PCDHA9: variants seen among roughly 807,000 people sequenced by gnomAD.
PCDHA9 encodes the protein protocadherin alpha-9.
In PCDHA9, 62 loss-of-function variants were observed where a neutral mutation model predicts 62.0. The observed-to-expected ratio is 1.00, with a 90% CI of 0.81 to 1.23. PCDHA9 has a LOEUF of 1.23. PCDHA9 is among the 50% of genes most tolerant of loss of function. The pLI, the probability that PCDHA9 is intolerant of heterozygous loss-of-function variation, is 0.00. For synonymous variants in PCDHA9, 557 were observed against 567.6 expected (o/e 0.98, Z 0.27); for missense variants, 1,205 against 1,249.8 (o/e 0.96, Z 0.54).
At chr5:140,993,470 A>T (rs1348899420) in intron 3 of PCDHA9, among the ~76,000 whole-genome samples, 10 of 115,268 alleles carry the variant, frequency 8.7e-5, no homozygotes, top group East Asian at 7.9e-4. Flanking sequence ...TCTCACACAC[A>T]CACACACACA....
intron 1 of PCDHA9, among the ~76,000 whole-genome samples, chr5:140,908,828 A>C (rs1490004627): frequency 6.6e-6 from 1 of 152,176 alleles, no homozygotes; most frequent in Non-Finnish European, 1.5e-5. Context: ...GTTACTCGAT[A>C]AATGGGCTGG....
At chr5:140,978,818 C>T in intron 1 of PCDHA9, 131 bp from the exon 2 acceptor site, 4 of 1,512,636 alleles carry the variant, frequency 2.6e-6, no homozygotes, top group Non-Finnish European at 3.5e-6. Flanking sequence ...TAGAGTTACA[C>T]ATGAAATGGC....
chr5:140,926,215 C>T (rs2083014396), intron 1 of PCDHA9, among the ~76,000 whole-genome samples: 1 of 152,170 alleles, frequency 6.6e-6, no homozygotes, highest in Non-Finnish European at 1.5e-5. Flanking sequence ...CTCCTGTTTC[C>T]TTAAGCCTAG....
chr5:140,870,845 C>T lies in PCDHA9; in HGVS notation c.2394+19956C>T, dbSNP rs782454963. ...GGAGGCGCAGTTAACAAGCTAGTAC[C>T]GCGGTCGGTGGGTGCGGGCCACGTG... On this transcript the variant is annotated intron_variant, in intron 1 of 3. Transcript: ENST00000532602. The T allele has an allele frequency of 5.0e-6, 8 of 1,613,718 alleles. No individual in the cohort carries two copies. The highest frequency in any genetic ancestry group is 6.8e-6 in the Non-Finnish European group (8 of 1,179,896).
At chr5:140,902,530 G>C (rs569387885) in intron 1 of PCDHA9, among the ~76,000 whole-genome samples, 1 of 152,026 alleles carries the variant, frequency 6.6e-6, no homozygotes, top group African/African-American at 2.4e-5. Flanking sequence ...TTATTATGTT[G>C]AGGTATGTTC....
chr5:140,969,600 C>CTAAAACACA, intron 1 of PCDHA9: 1 of 778,552 alleles, frequency 1.3e-6, no homozygotes, highest in South Asian at 2.1e-5. Flanking sequence ...ATATTTAATG[C>CTAAAACACA]TAAAACACAG....
rs2098420479 is a variant in PCDHA9, at chr5:141,011,408, T to TAC, written c.*1472_*1473insCA. 6.5e-6 allele frequency: 1 copy of TAC among 153,814 alleles called. No individual in the cohort carries two copies. The highest frequency in any genetic ancestry group is 2.4e-5 in the African/African-American group (1 of 41,476). 9.5% of individuals were successfully genotyped at this position (153,814 alleles called of 1,614,324 possible). ...GAAATATACTTACTCTGTGCTTGTG[T>TAC]ATGTGAATGTTAATGCAACTATTAC... On this transcript the variant is annotated 3_prime_UTR_variant, in exon 4 of 4. Coordinates refer to ENST00000532602, the MANE Select transcript of PCDHA9 (RefSeq NM_031857.2).
Position 140,850,162 on chromosome 5 carries a change from T to A in PCDHA9, c.1667T>A (p.Leu556Gln). The change falls in exon 1 of 4, where the codon CTG becomes CAG. Residue 556 changes from leucine (L) to glutamine (Q), a missense_variant. Leu to Gln is a moderately radical substitution (Grantham distance 113). Around this residue, in one of 3 missense-constraint regions of PCDHA9, gnomAD observed 887 missense variants for 809.5 expected, o/e 1.10. Transcript: ENST00000532602. ...AACGTGACGCTGCAGGTGTTCGTGCTGGACGAGAACGACAATGCGCCGGCG... is the reference window on the plus strand; with the variant it reads ...AACGTGACGCTGCAGGTGTTCGTGCAGGACGAGAACGACAATGCGCCGGCG... Reference protein sequence around the residue: ...GSNVTLQVFVLDENDNAPALL... With the variant: ...GSNVTLQVFVQDENDNAPALL... 8.8e-6 allele frequency: 14 copies of A among 1,595,026 alleles called. 2 individuals carry two copies. The highest frequency in any genetic ancestry group is 1.2e-5 in the Non-Finnish European group (14 of 1,167,802).
intron 3 of PCDHA9, among the ~76,000 whole-genome samples, chr5:141,002,135 G>C (rs1265359430): frequency 2.6e-5 from 4 of 152,236 alleles, no homozygotes; most frequent in Admixed American, 2.6e-4. Flanking sequence ...AGCCTTTGCC[G>C]GCTGCACTGA....
intron 1 of PCDHA9, among the ~76,000 whole-genome samples, chr5:140,873,716 A>G (rs1476838319): frequency 6.6e-6 from 1 of 152,184 alleles, no homozygotes; most frequent in Non-Finnish European, 1.5e-5. Context: ...GCTGGTGTGC[A>G]GTGGCGCAAT....
At chr5:140,875,835 G>A in intron 1 of PCDHA9, 1 of 1,614,196 alleles carries the variant, frequency 6.2e-7, no homozygotes, top group East Asian at 2.2e-5. Context: ...ATGTGGACGT[G>A]GAGGTGAAGG....
Position 140,928,898 on chromosome 5 carries a change from A to T in PCDHA9, c.2395-50051A>T, listed in dbSNP as rs782530169. ...CCTCAGTTACTTCCAGACTTTGAAGATGTCTGGGAACCAGGAGGGCAGCTT... is the reference window on the plus strand; with the variant it reads ...CCTCAGTTACTTCCAGACTTTGAAGTTGTCTGGGAACCAGGAGGGCAGCTT... On this transcript the variant is annotated intron_variant, in intron 1 of 3. Coordinates refer to ENST00000532602, the MANE Select transcript of PCDHA9 (RefSeq NM_031857.2). 77 of 1,614,004 alleles carry T rather than the reference A, an allele frequency of 4.8e-5. No individual in the cohort carries two copies. The African/African-American group carries it at 7.2e-4, about 15-fold the overall frequency.
At position 140,912,557 on chromosome 5, in the gene PCDHA9, A is replaced by T. The variant is rs1220242152; in HGVS notation, c.2394+61668A>T. On this transcript the variant is annotated intron_variant, in intron 1 of 3. Transcript: ENST00000532602. ...GATCATATTGTCAGCAAACAGCAAC[A>T]GTTTTAACTTCCTCTTTTCCAATTT... Among the ~76,000 whole-genome samples the T allele has an allele frequency of 4.6e-5, 7 of 152,154 alleles. No individual in the cohort carries two copies. The South Asian group carries it at 1.5e-3, about 32-fold the overall frequency.
chr5:140,910,944 C>A (rs1177154353), intron 1 of PCDHA9, among the ~76,000 whole-genome samples: 1 of 152,146 alleles, frequency 6.6e-6, no homozygotes, highest in Non-Finnish European at 1.5e-5. Flanking sequence ...TCAAGCAGTT[C>A]TTTTCGAGTG....
intron 1 of PCDHA9, chr5:140,968,479 C>T (rs2096250195): frequency 1.2e-6 from 2 of 1,614,010 alleles, no homozygotes; most frequent in South Asian, 2.2e-5. Flanking sequence ...ATGTGGTGGA[C>T]ATGAATGACC....
At chr5:140,910,924 A>T (rs568597600) in intron 1 of PCDHA9, among the ~76,000 whole-genome samples, 1 of 152,142 alleles carries the variant, frequency 6.6e-6, no homozygotes, top group Admixed American at 6.5e-5. Flanking sequence ...GCTTATATAA[A>T]TAAGAAAGCT....
intron 3 of PCDHA9, among the ~76,000 whole-genome samples, chr5:141,002,328 C>T (rs1421788305): frequency 3.3e-5 from 5 of 152,250 alleles, no homozygotes; most frequent in Admixed American, 6.5e-5. Flanking sequence ...GGCCGGGCTG[C>T]ATCCGCACCC....
At chr5:140,996,495 G>A (rs2097728470) in intron 3 of PCDHA9, among the ~76,000 whole-genome samples, 2 of 152,156 alleles carry the variant, frequency 1.3e-5, no homozygotes, top group South Asian at 4.1e-4. Context: ...GGCAAGTCTG[G>A]CTTCTTGGGG....
At chr5:140,869,100 TGCGATGTTTGGTTTTCAGAGAAGG>T (rs1554162487) in intron 1 of PCDHA9, 1 of 1,596,924 alleles carries the variant, frequency 6.3e-7, no homozygotes, top group South Asian at 1.1e-5. Flanking sequence ...CAATTTCGTA[TGCGATGTTTGGTTTTCAGAGAAGG>T]GGATTGGGCA....
Sources: allele counts gnomAD v4.1 joint callset (sites outside exome capture counted in the v4.1 genomes callset), GRCh38; gene constraint gnomAD v4.1.1; regional missense constraint gnomAD v4.1.1; transcripts MANE v1.5; gene names NCBI Gene and HGNC (gene_info 2026-07-23, HGNC 2026-07-21).